Variants in LIPI observed in about 807,000 individuals in gnomAD.
LIPI encodes lipase I.
A neutral mutation model predicts 50.6 loss-of-function variants in LIPI; 59 were observed. That is an observed-to-expected ratio of 1.16 (90% CI 0.94 to 1.45). The LOEUF is 1.45. Among genes scored for constraint, LIPI ranks in the 40% most tolerant of loss-of-function variants. The pLI is 0.00. For missense variants in LIPI, 586 were observed against 536.3 expected (o/e 1.09, Z -0.92); for synonymous variants, 203 against 178.2 (o/e 1.14, Z -1.11).
intron 9 of LIPI, among the ~76,000 whole-genome samples, chr21:14,129,978 G>C (rs931947440): frequency 6.6e-6 from 1 of 152,090 alleles, no homozygotes; most frequent in Admixed American, 6.6e-5. Flanking sequence ...TCTGAACCTG[G>C]ACAGCATCAT....
intron 9 of LIPI, among the ~76,000 whole-genome samples, chr21:14,111,305 C>T (rs945759170): frequency 5.1e-4 from 78 of 152,114 alleles, no homozygotes; most frequent in African/African-American, 1.8e-3. Context: ...GGTGATAGCT[C>T]ATTGTGGTTT....
intron 1 of LIPI, among the ~76,000 whole-genome samples, chr21:14,195,381 T>C (rs1170754103): frequency 1.5e-5 from 1 of 67,740 alleles, no homozygotes; most frequent in Non-Finnish European, 2.8e-5. Flanking sequence ...AAGACCTTAA[T>C]AAATGCAGGG....
chr21:14,175,747 T>C (rs1040727851), intron 4 of LIPI, among the ~76,000 whole-genome samples: 5 of 152,176 alleles, frequency 3.3e-5, no homozygotes, highest in Non-Finnish European at 7.3e-5. Flanking sequence ...CAGAATCCAG[T>C]TGACTGAAAC....
rs2018639756 is a variant in LIPI, at chr21:14,165,320, G to T, written c.804C>A (p.Cys268Ter). 6.2e-7 allele frequency: 1 copy of T among 1,610,534 alleles called. No individual in the cohort carries two copies. Residue 268 changes from cysteine (C) to a stop codon, truncating the protein, a stop_gained, in exon 6 of 10, where the codon TGC becomes TGA. Transcript: ENST00000681601. LOFTEE classifies it high-confidence loss of function. ...AACGACAAGGAAATGAAATAAAATT[G>T]CAGTTTGTTTCTAAAGATGCCATGA... Reference protein sequence around the residue: ...HLFMASLETNCNFISFPCRSY... With the variant: ...HLFMASLETN
intron 9 of LIPI, among the ~76,000 whole-genome samples, chr21:14,110,012 C>A (rs1029469228): frequency 6.6e-6 from 1 of 151,838 alleles, no homozygotes; most frequent in Admixed American, 6.6e-5. Context: ...ATGTATCTAT[C>A]TTTCTAATTT....
rs3048482 is a variant in LIPI at position 14,146,772 on chromosome 21, A to ATTTTTTTTTTTTTTTTTTTTT, written c.1119-1994_1119-1974dup. On this transcript the variant is annotated intron_variant, in intron 8 of 9. Transcript: ENST00000681601. ...TCTCTTTCTTACTTTCCCAGTCTCT[A>ATTTTTTTTTTTTTTTTTTTTT]TTTTTTTTTTTTTTTTTTTTTTTTT... is the stretch of plus-strand genomic sequence containing the variant. 2.3e-4 allele frequency among the ~76,000 whole-genome samples: 17 copies of ATTTTTTTTTTTTTTTTTTTTT among 73,372 alleles called. 6 individuals carry two copies. The highest frequency in any genetic ancestry group is 1.0e-3 in the African/African-American group (17 of 16,514). 48.1% of individuals were successfully genotyped at this position (73,372 alleles called of 152,430 possible).
At chr21:14,122,450 G>A (rs150226992) in intron 9 of LIPI, among the ~76,000 whole-genome samples, 24 of 152,234 alleles carry the variant, frequency 1.6e-4, no homozygotes, top group Middle Eastern at 3.4e-3. Flanking sequence ...AGCAAAACAC[G>A]GGTATTACCT....
intron 9 of LIPI, among the ~76,000 whole-genome samples, chr21:14,125,732 G>T (rs1314785703): frequency 6.6e-6 from 1 of 150,778 alleles, no homozygotes; most frequent in Non-Finnish European, 1.5e-5. Context: ...TAATTTTTTT[G>T]TGTTTTTAGT....
rs142237945 is a variant in LIPI, at chr21:14,192,907, G to A, written c.47-3488C>T. On this transcript the variant is annotated intron_variant, in intron 1 of 9. Transcript: ENST00000681601. ...AAGTACACTAGACAAGTAACTAGAA[G>A]TCATACAAAAATACAAAAATATAAG... 6.7e-3 allele frequency among the ~76,000 whole-genome samples: 1,017 copies of A among 152,212 alleles called. 4 individuals carry two copies. Among genetic ancestry groups the A allele is most frequent in the South Asian group, 0.018 (89 of 4,824 alleles).
At chr21:14,137,911 C>T (rs570852998) in intron 9 of LIPI, among the ~76,000 whole-genome samples, 1 of 152,218 alleles carries the variant, frequency 6.6e-6, no homozygotes, top group Non-Finnish European at 1.5e-5. Context: ...TGGTGCCAGA[C>T]TTTCAGTGGA....
At position 14,158,251 on chromosome 21, in the gene LIPI, T is replaced by C. The variant is rs528481941; in HGVS notation, c.1006+5168A>G. ...GTTGTTAAAAAATTTATACAGAGTT[T>C]GATTTCTAGCCATAATAAAATTAAT... On this transcript the variant is annotated intron_variant, in intron 7 of 9. Coordinates refer to ENST00000681601, the MANE Select transcript of LIPI (RefSeq NM_001302998.2). 2.0e-5 allele frequency among the ~76,000 whole-genome samples: 3 copies of C among 151,872 alleles called. No homozygotes were observed. The East Asian group carries it at 5.8e-4, about 29-fold the overall frequency.
chr21:14,166,282 G>A, intron 5 of LIPI, 80 bp downstream of exon 5: 1 of 860,540 alleles, frequency 1.2e-6, no homozygotes, highest in Non-Finnish European at 2.0e-6. Flanking sequence ...ACTGCCTACA[G>A]ATTAAGAGGG....
At chr21:14,199,677 AGAG>A (rs2019985365) in intron 1 of LIPI, among the ~76,000 whole-genome samples, 1 of 151,866 alleles carries the variant, frequency 6.6e-6, no homozygotes, top group South Asian at 2.1e-4. Flanking sequence ...ATATAAAAGA[AGAG>A]CTGGTACCAT....
intron 9 of LIPI, among the ~76,000 whole-genome samples, chr21:14,138,677 G>A (rs7283436): frequency 0.17 from 25,372 of 151,870 alleles, 2,322 homozygotes; most frequent in South Asian, 0.23. Context: ...TTTAATGATT[G>A]CATAACATTT....
At chr21:14,137,092 G>T (rs1317735927) in intron 9 of LIPI, among the ~76,000 whole-genome samples, 1 of 152,092 alleles carries the variant, frequency 6.6e-6, no homozygotes, top group Non-Finnish European at 1.5e-5. Context: ...AAAAGGTCTG[G>T]AGTGCTGTCC....
intron 9 of LIPI, among the ~76,000 whole-genome samples, chr21:14,129,708 A>G (rs533796263): frequency 2.6e-5 from 4 of 152,148 alleles, no homozygotes; most frequent in African/African-American, 7.2e-5. Context: ...TCGATTGTGA[A>G]TTAAAATATT....
intron 8 of LIPI, 31 bp from the exon 9 acceptor site, chr21:14,144,830 TTAA>T (rs1431603378): frequency 7.0e-7 from 1 of 1,438,368 alleles, no homozygotes; most frequent in African/African-American, 1.4e-5. Flanking sequence ...ACGCAGCATA[TTAA>T]TAATTTGAAA....
chr21:14,189,509 T>C, intron 1 of LIPI, 90 bp from the exon 2 acceptor site: 1 of 1,176,932 alleles, frequency 8.5e-7, no homozygotes, highest in African/African-American at 1.5e-5. Flanking sequence ...ATGTGGAGGG[T>C]AGGGAGGATT....
chr21:14,121,967 C>G lies in LIPI; in HGVS notation c.1296-12887G>C, dbSNP rs1237753555. Among the ~76,000 whole-genome samples, 3 of 152,296 alleles carry G rather than the reference C, an allele frequency of 2.0e-5. No homozygotes were observed. The South Asian group carries it at 6.2e-4, about 32-fold the overall frequency. ...CTGACTAGTCTACGCATGGCTGAAG[C>G]CTGAGGAAGTTGGTGCTAGATAAGT... On this transcript the variant is annotated intron_variant, in intron 9 of 9. Transcript: ENST00000681601.
Sources: allele counts gnomAD v4.1 joint callset (sites outside exome capture counted in the v4.1 genomes callset), GRCh38; gene constraint gnomAD v4.1.1; transcripts MANE v1.5; gene names NCBI Gene and HGNC (gene_info 2026-07-23, HGNC 2026-07-21).